The following CCSER1 variants were observed in gnomAD, a reference collection of about 807,000 sequenced individuals.
The protein encoded by CCSER1 is coiled-coil serine rich protein 1.
In CCSER1, 41 loss-of-function variants were observed where a neutral mutation model predicts 82.0. That is an observed-to-expected ratio of 0.50 (90% CI 0.39 to 0.65). CCSER1 has a LOEUF of 0.65. Ranked by LOEUF, CCSER1 falls within the 30% of genes least tolerant of loss-of-function variation. CCSER1 has a pLI of 0.00. For synonymous variants in CCSER1, 414 were observed against 383.9 expected (o/e 1.08, Z -0.92); for missense variants, 1,119 against 1,064.2 (o/e 1.05, Z -0.72).
chr4:91,140,964 TC>T, intron 10 of CCSER1, among the ~76,000 whole-genome samples: 1 of 152,006 alleles, frequency 6.6e-6, no homozygotes. Flanking sequence ...CACCCCTCCT[TC>T]CCTCCCAGTT....
At chr4:90,928,703 A>G (rs1185594345) in intron 9 of CCSER1, among the ~76,000 whole-genome samples, 1 of 152,062 alleles carries the variant, frequency 6.6e-6, no homozygotes, top group Non-Finnish European at 1.5e-5. Context: ...AGACTTAAAG[A>G]AGGTGAGGTG....
At chr4:90,599,970 G>T (rs1388041616) in intron 5 of CCSER1, among the ~76,000 whole-genome samples, 1 of 152,160 alleles carries the variant, frequency 6.6e-6, no homozygotes, top group Non-Finnish European at 1.5e-5. Flanking sequence ...GGAAACATAT[G>T]TAGTTTTTGT....
intron 8 of CCSER1, among the ~76,000 whole-genome samples, chr4:90,889,954 G>A (rs1722722299): frequency 6.6e-6 from 1 of 152,018 alleles, no homozygotes; most frequent in East Asian, 1.9e-4. Flanking sequence ...TATTAGTGAT[G>A]CCTAAAAGTA....
chr4:90,437,597 T>C (rs1388481183), intron 4 of CCSER1, among the ~76,000 whole-genome samples: 2 of 152,304 alleles, frequency 1.3e-5, no homozygotes, highest in East Asian at 3.9e-4. Context: ...AGGTTCCAGA[T>C]AATGCATATA....
At chr4:90,294,982 T>G (rs1251411300) in intron 1 of CCSER1, among the ~76,000 whole-genome samples, 2 of 152,068 alleles carry the variant, frequency 1.3e-5, no homozygotes, top group Admixed American at 6.6e-5. Flanking sequence ...CCAATTTGAT[T>G]TTATTAACAC....
intron 9 of CCSER1, among the ~76,000 whole-genome samples, chr4:91,077,592 C>T (rs545717265): frequency 6.6e-6 from 1 of 152,290 alleles, no homozygotes; most frequent in East Asian, 1.9e-4. Flanking sequence ...GTACCAGGTT[C>T]ATCTCACTGG....
intron 1 of CCSER1, among the ~76,000 whole-genome samples, chr4:90,217,119 A>T (rs1299425535): frequency 6.6e-6 from 1 of 152,130 alleles, no homozygotes; most frequent in South Asian, 2.1e-4. Flanking sequence ...TAATTTTCGT[A>T]CATTGATTTT....
chr4:90,938,701 A>C (rs1731243356), intron 9 of CCSER1: 1 of 411,434 alleles, frequency 2.4e-6, no homozygotes. Flanking sequence ...ACATGCACTG[A>C]AGGTTTATTT....
intron 5 of CCSER1, among the ~76,000 whole-genome samples, chr4:90,568,992 T>C (rs1779779353): frequency 6.6e-6 from 1 of 152,130 alleles, no homozygotes. Context: ...GATCTCCAAC[T>C]CCTGACCTCA....
intron 5 of CCSER1, among the ~76,000 whole-genome samples, chr4:90,598,135 C>A (rs1396383741): frequency 1.3e-5 from 2 of 152,076 alleles, no homozygotes; most frequent in Admixed American, 1.3e-4. Flanking sequence ...GTGGTGATTT[C>A]ATATCTTTTG....
At chr4:90,341,952 G>A (rs544748859) in intron 3 of CCSER1, among the ~76,000 whole-genome samples, 1 of 152,182 alleles carries the variant, frequency 6.6e-6, no homozygotes, top group South Asian at 2.1e-4. Context: ...GAATGCAGGG[G>A]TTTATTTGGT....
intron 6 of CCSER1, among the ~76,000 whole-genome samples, chr4:90,662,858 A>G (rs182997218): frequency 6.6e-5 from 10 of 152,252 alleles, no homozygotes; most frequent in Non-Finnish European, 1.5e-4. Flanking sequence ...AGGTCCTGCT[A>G]TGTCATAATC....
At chr4:90,883,805 AT>A (rs1176675226) in intron 8 of CCSER1, among the ~76,000 whole-genome samples, 3 of 152,166 alleles carry the variant, frequency 2.0e-5, no homozygotes, top group Non-Finnish European at 4.4e-5. Flanking sequence ...ATAGGGTGAA[AT>A]TAAACATAAC....
chr4:90,734,582 G>T (rs1745342965), intron 7 of CCSER1, among the ~76,000 whole-genome samples: 1 of 151,946 alleles, frequency 6.6e-6, no homozygotes, highest in Admixed American at 6.6e-5. Context: ...TTGTAAATTG[G>T]ATTACTTTCT....
At chr4:90,422,996 C>T (rs1756941514) in intron 4 of CCSER1, among the ~76,000 whole-genome samples, 1 of 152,028 alleles carries the variant, frequency 6.6e-6, no homozygotes, top group Non-Finnish European at 1.5e-5. Flanking sequence ...TTGTTTTCTC[C>T]TTGTGAGATT....
At chr4:90,805,035 GC>G (rs1393932291) in intron 7 of CCSER1, among the ~76,000 whole-genome samples, 1 of 151,894 alleles carries the variant, frequency 6.6e-6, no homozygotes, top group Non-Finnish European at 1.5e-5. Context: ...TTTACTGTAT[GC>G]ATTTTTACAC....
In CCSER1 at chr4:90,923,455, G is replaced by A; in HGVS notation, c.2172+8G>A. 1 of 1,545,004 alleles carries A rather than the reference G, an allele frequency of 6.5e-7. No individual in the cohort carries two copies. The highest frequency in any genetic ancestry group is 1.4e-5 in the African/African-American group (1 of 73,020). ...GAACTACTATGCTATGATGTAAGTA[G>A]CTCTGTAAAACCATTTTTAACTTCA... On this transcript the variant is annotated splice_region_variant and intron_variant, in intron 9 of 10. Coordinates refer to ENST00000509176, the MANE Select transcript of CCSER1 (RefSeq NM_001145065.2).
In CCSER1 at chr4:90,308,282, C is replaced by T. The variant is rs200716258; in HGVS notation, c.-3C>T. 69 of 1,564,532 alleles carry T rather than the reference C, an allele frequency of 4.4e-5. No homozygotes were observed. In the African/African-American group the frequency reaches 8.8e-4, roughly 20 times the overall value. ...CTTTCACAGTGCAAGCCTTTGATTC[C>T]CAATGGGGGACTCAGGATCAAGACG... On this transcript the variant is annotated 5_prime_UTR_variant, in exon 2 of 11. Coordinates refer to ENST00000509176, the MANE Select transcript of CCSER1 (RefSeq NM_001145065.2).
At chr4:90,941,840 C>T (rs937227269) in intron 9 of CCSER1, among the ~76,000 whole-genome samples, 14 of 151,998 alleles carry the variant, frequency 9.2e-5, no homozygotes, top group African/African-American at 2.9e-4. Context: ...ATGAATAGAT[C>T]GATGTATATA....
Sources: gnomAD v4.1 joint callset for allele counts (sites outside exome capture counted in the v4.1 genomes callset) on GRCh38, gnomAD v4.1.1 for gene constraint, MANE v1.5 for transcripts, NCBI Gene and HGNC (gene_info 2026-07-23, HGNC 2026-07-21) for gene names.